SMURF2: variants seen among roughly 807,000 people sequenced by gnomAD.
SMURF2 encodes SMAD specific E3 ubiquitin protein ligase 2, also known as E3 ubiquitin-protein ligase SMURF2.
A neutral mutation model predicts 109.6 loss-of-function variants in SMURF2; 48 were observed. The observed-to-expected ratio is 0.44, with a 90% CI of 0.35 to 0.56. The LOEUF (loss-of-function observed/expected upper bound fraction) is 0.56. Ranked by LOEUF, SMURF2 falls within the 20% of genes least tolerant of loss-of-function variation. The probability of loss-of-function intolerance (pLI) is 0.01; values close to 1 mark genes in which losing one functional copy is unlikely to be tolerated. For missense variants in SMURF2, 575 were observed against 909.0 expected (o/e 0.63, Z 4.72); for synonymous variants, 288 against 317.1 (o/e 0.91, Z 0.97).
chr17:64,621,510 G>A (rs1038306863), intron 1 of SMURF2, among the ~76,000 whole-genome samples: 1 of 150,130 alleles, frequency 6.7e-6, no homozygotes, highest in African/African-American at 2.5e-5. Flanking sequence ...AATCCAGGGG[G>A]CAGAGGTTGC....
intron 9 of SMURF2, among the ~76,000 whole-genome samples, chr17:64,572,259 G>GT (rs1158976081): frequency 2.0e-5 from 3 of 152,096 alleles, no homozygotes; most frequent in Non-Finnish European, 2.9e-5. Context: ...AACATAAACT[G>GT]TATTTCAACA....
At chr17:64,658,907 T>C (rs1051889824) in intron 1 of SMURF2, among the ~76,000 whole-genome samples, 1 of 152,200 alleles carries the variant, frequency 6.6e-6, no homozygotes, top group Non-Finnish European at 1.5e-5. Context: ...AATGATCATA[T>C]GTTAATGTGT....
intron 1 of SMURF2, among the ~76,000 whole-genome samples, chr17:64,632,225 C>T (rs1030814387): frequency 6.6e-6 from 1 of 152,046 alleles, no homozygotes; most frequent in Non-Finnish European, 1.5e-5. Context: ...TCCCAAAGTG[C>T]TGGGATTACA....
intron 1 of SMURF2, among the ~76,000 whole-genome samples, chr17:64,632,041 C>T (rs1970358139): frequency 6.8e-6 from 1 of 146,450 alleles, no homozygotes; most frequent in African/African-American, 2.5e-5. Flanking sequence ...CACTGCCAAC[C>T]TCTGCCTCCC....
In SMURF2 at chr17:64,543,026, C is replaced by T. The variant is rs1968896196; in HGVS notation, c.*2822G>A. 1 of 151,954 alleles carries T rather than the reference C, an allele frequency of 6.6e-6. No individual in the cohort carries two copies. Among genetic ancestry groups the T allele is most frequent in the Admixed American group, 6.6e-5 (1 of 15,266 alleles). The allele number at this position is 151,954 out of a possible 1,614,324, so 9.4% of individuals were successfully genotyped here. ...TGATGGAAAGGCAAGAGTATGAAAA[C>T]AGATATCACATATCTGAAATAACAA... On this transcript the variant is annotated 3_prime_UTR_variant, in exon 19 of 19. Coordinates refer to ENST00000262435, the MANE Select transcript of SMURF2 (RefSeq NM_022739.4).
intron 1 of SMURF2, among the ~76,000 whole-genome samples, chr17:64,631,195 A>C (rs1555691543): frequency 7.1e-6 from 1 of 140,616 alleles, no homozygotes; most frequent in East Asian, 2.4e-4. Context: ...CCAGCTACTC[A>C]GGTCAAAAAA....
chr17:64,573,609 T>A lies in SMURF2; in HGVS notation c.858-1653A>T, dbSNP rs542831915. Among the ~76,000 whole-genome samples the A allele has an allele frequency of 1.3e-4, 19 of 151,780 alleles. 1 individual carries two copies. The highest frequency in any genetic ancestry group is 4.2e-4 in the South Asian group (2 of 4,800). ...AGTTCCAAGAATTCTCCTCAAATTT[T>A]AAAAAAAAGGGAGTTCGGGGGACTG... On this transcript the variant is annotated intron_variant, in intron 9 of 18. Transcript: ENST00000262435.
At chr17:64,553,472 T>G (rs1406879615) in intron 15 of SMURF2, among the ~76,000 whole-genome samples, 4 of 151,560 alleles carry the variant, frequency 2.6e-5, no homozygotes, top group African/African-American at 9.7e-5. Flanking sequence ...GCCACTGCAC[T>G]CCAGCCTGAG....
At chr17:64,605,294 A>G (rs1969953354) in intron 2 of SMURF2, among the ~76,000 whole-genome samples, 1 of 152,226 alleles carries the variant, frequency 6.6e-6, no homozygotes, top group South Asian at 2.1e-4. Flanking sequence ...GCTTTCTCAT[A>G]TAAGCAGAAA....
At chr17:64,632,474 C>T (rs1970364684) in intron 1 of SMURF2, among the ~76,000 whole-genome samples, 2 of 152,162 alleles carry the variant, frequency 1.3e-5, no homozygotes, top group African/African-American at 4.8e-5. Flanking sequence ...AAACCAAATC[C>T]ATTTCCAATT....
chr17:64,564,935 CAAAAG>C (rs1354954975), intron 10 of SMURF2, among the ~76,000 whole-genome samples: 1 of 152,158 alleles, frequency 6.6e-6, no homozygotes, highest in Non-Finnish European at 1.5e-5. Flanking sequence ...GAAGAAATCA[CAAAAG>C]GGCAAGAGAA....
At chr17:64,567,538 T>TGGCAACATCAA (rs1969331211) in intron 10 of SMURF2, among the ~76,000 whole-genome samples, 1 of 152,228 alleles carries the variant, frequency 6.6e-6, no homozygotes, top group Admixed American at 6.5e-5. Context: ...AATATTCTAC[T>TGGCAACATCAA]GGCAACATCA....
At chr17:64,629,843 T>G (rs1970313963) in intron 1 of SMURF2, among the ~76,000 whole-genome samples, 1 of 152,146 alleles carries the variant, frequency 6.6e-6, no homozygotes, top group African/African-American at 2.4e-5. Context: ...TCATTCAAAG[T>G]CTAACAATAC....
At chr17:64,603,518 G>A (rs1033180866) in intron 2 of SMURF2, among the ~76,000 whole-genome samples, 1 of 151,150 alleles carries the variant, frequency 6.6e-6, no homozygotes, top group Admixed American at 6.6e-5. Flanking sequence ...GGAGGCAGAG[G>A]TTGCAGTGAG....
chr17:64,602,066 G>A (rs1969906314), intron 2 of SMURF2, among the ~76,000 whole-genome samples: 1 of 151,860 alleles, frequency 6.6e-6, no homozygotes, highest in Admixed American at 6.6e-5. Flanking sequence ...TCTAAGTGAA[G>A]TAACTCAAGA....
At chr17:64,635,406 T>C (rs1244074714) in intron 1 of SMURF2, among the ~76,000 whole-genome samples, 2 of 152,122 alleles carry the variant, frequency 1.3e-5, no homozygotes, top group Non-Finnish European at 2.9e-5. Flanking sequence ...ATTTTTAGCA[T>C]AGTCACAGTG....
chr17:64,652,670 G>A (rs1412212177), intron 1 of SMURF2, among the ~76,000 whole-genome samples: 1 of 152,108 alleles, frequency 6.6e-6, no homozygotes, highest in Non-Finnish European at 1.5e-5. Flanking sequence ...ATTTTTAGTA[G>A]AGACGGGGTT....
At chr17:64,660,332 GC>G (rs1272519513) in intron 1 of SMURF2, among the ~76,000 whole-genome samples, 1 of 152,044 alleles carries the variant, frequency 6.6e-6, no homozygotes, top group East Asian at 1.9e-4. Flanking sequence ...AAACTCTAAA[GC>G]AACAAAGATC....
intron 5 of SMURF2, among the ~76,000 whole-genome samples, chr17:64,589,306 G>A (rs1293391542): frequency 6.6e-6 from 1 of 151,888 alleles, no homozygotes; most frequent in Non-Finnish European, 1.5e-5. Flanking sequence ...CTAGACAGTA[G>A]TTGGCAAGCA....
Sources: gnomAD v4.1 joint callset for allele counts (sites outside exome capture counted in the v4.1 genomes callset) on GRCh38, gnomAD v4.1.1 for gene constraint, MANE v1.5 for transcripts, NCBI Gene and HGNC (gene_info 2026-07-23, HGNC 2026-07-21) for gene names.